Variants in TDRD5 observed in about 807,000 individuals in gnomAD.
TDRD5 encodes the protein tudor domain-containing protein 5.
TDRD5 carries 41 observed loss-of-function variants against 120.6 expected under a neutral mutation model. That is an observed-to-expected ratio of 0.34 (90% CI 0.26 to 0.44). The LOEUF is 0.44. Ranked by LOEUF, TDRD5 falls within the 20% of genes least tolerant of loss-of-function variation. The pLI, the probability that TDRD5 is intolerant of heterozygous loss-of-function variation, is 1.00. For missense variants in TDRD5, 1,006 were observed against 1,221.2 expected (o/e 0.82, Z 2.63); for synonymous variants, 430 against 433.7 (o/e 0.99, Z 0.11).
intron 1 of TDRD5, 142 bp from the exon 2 acceptor site, chr1:179,592,460 C>T (rs1239041711): frequency 7.7e-6 from 5 of 645,822 alleles, no homozygotes; most frequent in Non-Finnish European, 1.3e-5. Flanking sequence ...ACGCGCAAGC[C>T]GCAGGGCACC....
intron 6 of TDRD5, among the ~76,000 whole-genome samples, chr1:179,622,957 C>T (rs990720739): frequency 2.6e-5 from 4 of 152,086 alleles, no homozygotes; most frequent in African/African-American, 9.7e-5. Context: ...AGTAAAAATG[C>T]AGAAAACCAA....
intron 17 of TDRD5, among the ~76,000 whole-genome samples, chr1:179,680,663 T>C (rs978473990): frequency 2.0e-5 from 3 of 152,250 alleles, no homozygotes; most frequent in Admixed American, 2.0e-4. Context: ...TGTATCTTTA[T>C]ACTTAAAATA....
At chr1:179,648,404 A>C (rs570024775) in intron 11 of TDRD5, among the ~76,000 whole-genome samples, 1,235 of 116,368 alleles carry the variant, frequency 0.011, 14 homozygotes, top group Middle Eastern at 0.043. Context: ...CAATGAGAAC[A>C]CATGGACACA....
rs562435968 is a variant in TDRD5, at chr1:179,686,771, GA to G, written c.2861-3924del. ...CAACTTCTTCCTGGCTTAGTCTTGGGAGGGTGTATGTGTCCAGGAATTTATC... is the reference window on the plus strand; with the variant it reads ...CAACTTCTTCCTGGCTTAGTCTTGGGGGGTGTATGTGTCCAGGAATTTATC... On this transcript the variant is annotated intron_variant, in intron 17 of 17. Transcript: ENST00000444136. Among the ~76,000 whole-genome samples, 41 of 152,276 alleles carry G rather than the reference GA, an allele frequency of 2.7e-4. 1 individual carries two copies. The East Asian group carries it at 7.9e-3, about 29-fold the overall frequency.
chr1:179,606,660 T>A (rs1331451966), intron 4 of TDRD5, among the ~76,000 whole-genome samples: 1 of 152,124 alleles, frequency 6.6e-6, no homozygotes, highest in African/African-American at 2.4e-5. Context: ...TTTGTGGGTT[T>A]TTTTGCAAGT....
intron 17 of TDRD5, among the ~76,000 whole-genome samples, chr1:179,683,657 A>G (rs1572444840): frequency 6.6e-6 from 1 of 152,204 alleles, no homozygotes; most frequent in Admixed American, 6.5e-5. Flanking sequence ...TTTGAAATCT[A>G]TGTTTTTAAG....
chr1:179,630,736 G>GT, intron 6 of TDRD5, 31 bp from the exon 7 acceptor site: 1 of 1,606,652 alleles, frequency 6.2e-7, no homozygotes. Flanking sequence ...ATCTAATGCT[G>GT]TTTCATGTAA....
chr1:179,608,128 C>T (rs572570218), intron 4 of TDRD5, among the ~76,000 whole-genome samples: 8 of 151,922 alleles, frequency 5.3e-5, no homozygotes, highest in South Asian at 2.1e-4. Context: ...TTTTTGTCTT[C>T]GTAGTTTCTG....
chr1:179,606,839 A>G (rs1676008690), intron 4 of TDRD5, among the ~76,000 whole-genome samples: 1 of 152,078 alleles, frequency 6.6e-6, no homozygotes, highest in South Asian at 2.1e-4. Context: ...CTATTTGGTT[A>G]CTGTAGCTTT....
chr1:179,643,082 A>G (rs1331524865), intron 11 of TDRD5, among the ~76,000 whole-genome samples: 2 of 152,198 alleles, frequency 1.3e-5, no homozygotes, highest in African/African-American at 4.8e-5. Context: ...TTGGGTGACT[A>G]CTGAACTTTC....
At chr1:179,595,585 T>G in intron 3 of TDRD5, 43 bp from the exon 4 acceptor site, 1 of 1,495,454 alleles carries the variant, frequency 6.7e-7, no homozygotes, top group South Asian at 1.4e-5. Context: ...AAATAGAAGT[T>G]GCTAGTGACA....
chr1:179,654,139 A>T (rs1012463954), intron 13 of TDRD5, 62 bp from the exon 14 acceptor site: 1 of 1,351,010 alleles, frequency 7.4e-7, no homozygotes, highest in Non-Finnish European at 9.9e-7. Flanking sequence ...ATGTATAGGC[A>T]TGTAGATTTT....
Position 179,609,267 on chromosome 1 carries a change from G to A in TDRD5, c.832-9332G>A, listed in dbSNP as rs539303380. Among the ~76,000 whole-genome samples the A allele has an allele frequency of 7.9e-5, 12 of 152,206 alleles. No homozygotes were observed. In the South Asian group the frequency reaches 2.3e-3, roughly 29 times the overall value. Reference sequence around the variant, plus strand: ...TTGCATGTACATAATGAGATATCTTGGAGATGGGATCCCAGTCTAAATATG... The same window carrying A: ...TTGCATGTACATAATGAGATATCTTAGAGATGGGATCCCAGTCTAAATATG... On this transcript the variant is annotated intron_variant, in intron 4 of 17. Transcript: ENST00000444136.
At position 179,595,781 on chromosome 1, in the gene TDRD5, A is replaced by C; in HGVS notation, c.794A>C (p.Glu265Ala). 1 of 1,612,066 alleles carries C rather than the reference A, an allele frequency of 6.2e-7. No individual in the cohort carries two copies. Among genetic ancestry groups the C allele is most frequent in the South Asian group, 1.1e-5 (1 of 90,354 alleles). The change falls in exon 4 of 18, where the codon GAG (glutamate) becomes GCG (alanine). Residue 265 changes from glutamate (E) to alanine (A), a missense_variant. By Grantham distance (107) the Glu-to-Ala change is moderately radical (BLOSUM62 -1). Around this residue, in one of 3 missense-constraint regions of TDRD5, gnomAD observed 445 missense variants for 515.5 expected, o/e 0.86. Transcript: ENST00000444136. ...MEKTSKLNVV[E>A]TSRLNHTEKL... ...AAGACTTCCAAGTTAAATGTAGTGG[A>C]GACTTCAAGACTGAATCACACTGAA...
chr1:179,640,163 C>T (rs1160541184), intron 10 of TDRD5, 112 bp downstream of exon 10: 3 of 1,210,472 alleles, frequency 2.5e-6, no homozygotes, highest in South Asian at 1.4e-5. Context: ...CCAATCCTTC[C>T]TTCCTTCTTC....
chr1:179,680,405 T>C (rs1036460980), intron 17 of TDRD5, among the ~76,000 whole-genome samples: 2 of 152,200 alleles, frequency 1.3e-5, no homozygotes, highest in African/African-American at 4.8e-5. Flanking sequence ...CTAATATAGT[T>C]GTTGATTTGT....
intron 17 of TDRD5, among the ~76,000 whole-genome samples, chr1:179,689,313 G>T (rs1680966633): frequency 6.6e-6 from 1 of 152,166 alleles, no homozygotes; most frequent in South Asian, 2.1e-4. Flanking sequence ...TTTGCTGGAG[G>T]TCCACTCCAC....
At chr1:179,655,730 CT>C (rs1678972792) in intron 14 of TDRD5, among the ~76,000 whole-genome samples, 1 of 152,196 alleles carries the variant, frequency 6.6e-6, no homozygotes, top group African/African-American at 2.4e-5. Context: ...AGACTGGCTT[CT>C]TTCATTCAGT....
At position 179,663,433 on chromosome 1, in the gene TDRD5, A is replaced by G. The variant is rs1190220218; in HGVS notation, c.2591A>G (p.His864Arg). 1 of 1,613,864 alleles carries G rather than the reference A, an allele frequency of 6.2e-7. No homozygotes were observed. The highest frequency in any genetic ancestry group is 8.5e-7 in the Non-Finnish European group (1 of 1,179,898). ...GTAAATGGAACGAAAGTAGAAGTTC[A>G]TAAGCCAGAAGTACTGGGTGCTCAG... ...GLVNGTKVEV[H>R]KPEVLGAQEK... The change falls in exon 16 of 18, where the codon CAT becomes CGT. Residue 864 changes from histidine to arginine, a missense_variant. Coordinates refer to ENST00000444136, the MANE Select transcript of TDRD5 (RefSeq NM_001199085.3).
Sources: gnomAD v4.1 joint callset for allele counts (sites outside exome capture counted in the v4.1 genomes callset) on GRCh38, gnomAD v4.1.1 for gene constraint, gnomAD v4.1.1 regional missense constraint, MANE v1.5 for transcripts, NCBI Gene and HGNC (gene_info 2026-07-23, HGNC 2026-07-21) for gene names.